The following DISP1 variants were observed in gnomAD, a reference collection of about 807,000 sequenced individuals.
DISP1 encodes dispatched RND transporter family member 1.
In DISP1, 30 loss-of-function variants were observed where a neutral mutation model predicts 37.3. The observed-to-expected ratio is 0.80, with a 90% CI of 0.60 to 1.09. The LOEUF is 1.09. Among genes scored for constraint, DISP1 ranks in the 50% least tolerant of loss-of-function variants. The pLI is 0.00. For missense variants in DISP1, 1,598 were observed against 1,879.5 expected (o/e 0.85, Z 2.77); for synonymous variants, 634 against 690.2 (o/e 0.92, Z 1.28).
chr1:222,905,480 C>G (rs1230481331), intron 1 of DISP1, among the ~76,000 whole-genome samples: 1 of 152,176 alleles, frequency 6.6e-6, no homozygotes, highest in Non-Finnish European at 1.5e-5. Context: ...TATAGCATCA[C>G]TGTAGTTGTC....
chr1:222,856,712 T>G (rs185824358), intron 1 of DISP1, among the ~76,000 whole-genome samples: 2,433 of 150,406 alleles, frequency 0.016, 36 homozygotes, highest in Non-Finnish European at 0.024. Context: ...ATTCGTTTTT[T>G]TTTTTTTTTT....
At chr1:222,911,776 C>T (rs1189355216) in intron 1 of DISP1, among the ~76,000 whole-genome samples, 1 of 152,146 alleles carries the variant, frequency 6.6e-6, no homozygotes, top group Admixed American at 6.6e-5. Context: ...AAGTGATCCT[C>T]CCGCCTCAGC....
chr1:222,833,480 A>G (rs147887310), intron 1 of DISP1, among the ~76,000 whole-genome samples: 1 of 152,208 alleles, frequency 6.6e-6, no homozygotes. Flanking sequence ...ACTGTTGAAT[A>G]GTTTAGTTAT....
Position 222,983,064 on chromosome 1 carries a change from CTT to C in DISP1, c.510-5_510-4del, listed in dbSNP as rs761469315. The C allele has an allele frequency of 3.0e-4, 344 of 1,155,384 alleles. No homozygotes were observed. Among genetic ancestry groups the C allele is most frequent in the Admixed American group, 4.4e-4 (19 of 42,946 alleles). 71.6% of individuals were successfully genotyped at this position (1,155,384 alleles called of 1,614,324 possible). Reference sequence around the variant, plus strand: ...TCTGTTTTTGATCATTTTTCCTTTGCTTTTTTTTTTTTCAGACCATCCAGACC... The same window carrying C: ...TCTGTTTTTGATCATTTTTCCTTTGCTTTTTTTTTTCAGACCATCCAGACC... On this transcript the variant is annotated splice_polypyrimidine_tract_variant and intron_variant, in intron 3 of 8. Transcript: ENST00000675850.
chr1:222,909,810 C>G (rs76151619), intron 1 of DISP1, among the ~76,000 whole-genome samples: 1 of 152,170 alleles, frequency 6.6e-6, no homozygotes, highest in East Asian at 1.9e-4. Flanking sequence ...CTCAACTACT[C>G]CTCAGCCACT....
intron 1 of DISP1, among the ~76,000 whole-genome samples, chr1:222,836,172 A>G (rs924560597): frequency 2.6e-5 from 4 of 152,182 alleles, no homozygotes; most frequent in Admixed American, 2.6e-4. Context: ...GGGGGAAAAA[A>G]CAGCCTTAAA....
chr1:222,924,613 G>A (rs1455170906), intron 1 of DISP1, among the ~76,000 whole-genome samples: 1 of 152,092 alleles, frequency 6.6e-6, no homozygotes, highest in Non-Finnish European at 1.5e-5. Flanking sequence ...CAGAACTTTG[G>A]TATGATTAGT....
chr1:222,987,046 GATAT>G lies in DISP1; in HGVS notation c.540-3563_540-3560del, dbSNP rs67964109. ...CAAAGAGAATAATGCACAGGATATG[GATAT>G]ATATATATATATATAGCATCATCAA... On this transcript the variant is annotated intron_variant, in intron 4 of 8. Coordinates refer to ENST00000675850, the MANE Select transcript of DISP1 (RefSeq NM_001377229.1). 3.6e-3 allele frequency among the ~76,000 whole-genome samples: 528 copies of G among 146,104 alleles called. 1 individual carries two copies. The highest frequency in any genetic ancestry group is 0.012 in the African/African-American group (477 of 39,756).
chr1:222,964,101 C>A (rs1676276210), intron 3 of DISP1, among the ~76,000 whole-genome samples: 1 of 151,822 alleles, frequency 6.6e-6, no homozygotes, highest in South Asian at 2.1e-4. Flanking sequence ...GAGTTCGAGA[C>A]CATCCTGGCC....
intron 1 of DISP1, among the ~76,000 whole-genome samples, chr1:222,917,065 A>G (rs1180996516): frequency 6.6e-6 from 1 of 152,172 alleles, no homozygotes; most frequent in Non-Finnish European, 1.5e-5. Context: ...GTGATCAATC[A>G]AGCAGCTGAC....
intron 2 of DISP1, among the ~76,000 whole-genome samples, chr1:222,933,926 A>G (rs1673556767): frequency 6.6e-6 from 1 of 152,082 alleles, no homozygotes; most frequent in Non-Finnish European, 1.5e-5. Flanking sequence ...TAGTCAATAT[A>G]CTATATGACA....
chr1:222,843,856 A>G (rs529091886), intron 1 of DISP1, among the ~76,000 whole-genome samples: 1 of 152,278 alleles, frequency 6.6e-6, no homozygotes, highest in East Asian at 1.9e-4. Context: ...AGTCAGCATT[A>G]AAAGACGCAA....
At chr1:222,954,290 G>C (rs1021119347) in intron 3 of DISP1, among the ~76,000 whole-genome samples, 1 of 152,114 alleles carries the variant, frequency 6.6e-6, no homozygotes, top group Non-Finnish European at 1.5e-5. Context: ...TTTGATTGCT[G>C]TAATATTCTG....
At chr1:222,850,375 C>A (rs1272764441) in intron 1 of DISP1, among the ~76,000 whole-genome samples, 2 of 151,912 alleles carry the variant, frequency 1.3e-5, no homozygotes, top group Admixed American at 1.3e-4. Flanking sequence ...CACTTTACCC[C>A]ATGTTTTTAT....
intron 1 of DISP1, among the ~76,000 whole-genome samples, chr1:222,817,926 C>CA (rs113286013): frequency 2.0e-5 from 3 of 152,294 alleles, no homozygotes; most frequent in African/African-American, 7.2e-5. Context: ...AATACTAAAT[C>CA]ATAATTTGTT....
chr1:222,943,901 A>G (rs1572577651), intron 3 of DISP1, among the ~76,000 whole-genome samples: 2 of 152,146 alleles, frequency 1.3e-5, no homozygotes, highest in Middle Eastern at 6.8e-3. Context: ...GTGGTGGTGC[A>G]TGCCTATAAT....
At chr1:222,819,262 C>T (rs1396110394) in intron 1 of DISP1, among the ~76,000 whole-genome samples, 1 of 152,166 alleles carries the variant, frequency 6.6e-6, no homozygotes, top group Non-Finnish European at 1.5e-5. Context: ...CCTGTACAGC[C>T]TGTGGAATTG....
chr1:222,918,380 G>A (rs1206837667), intron 1 of DISP1, among the ~76,000 whole-genome samples: 5 of 152,170 alleles, frequency 3.3e-5, no homozygotes, highest in Non-Finnish European at 7.4e-5. Context: ...AACTTATAGG[G>A]CATTACTATA....
intron 1 of DISP1, among the ~76,000 whole-genome samples, chr1:222,927,590 G>T (rs1051017646): frequency 2.0e-5 from 3 of 152,074 alleles, no homozygotes; most frequent in Non-Finnish European, 1.5e-5. Flanking sequence ...TTTTGAAATT[G>T]TTGAAACTAC....
Sources: allele counts gnomAD v4.1 joint callset (sites outside exome capture counted in the v4.1 genomes callset), GRCh38; gene constraint gnomAD v4.1.1; transcripts MANE v1.5; gene names NCBI Gene and HGNC (gene_info 2026-07-23, HGNC 2026-07-21).